Variants in PGK1 observed in about 807,000 individuals in gnomAD.
PGK1 encodes the protein PRP 2.
Under a neutral mutation model 26.9 loss-of-function variants are expected in PGK1, and 3 were observed. That is an observed-to-expected ratio of 0.11 (90% CI 0.05 to 0.29). The LOEUF is 0.29. PGK1 is among the 10% of genes least tolerant of loss of function. The pLI, the probability that PGK1 is intolerant of heterozygous loss-of-function variation, is 1.00. For missense variants in PGK1, 270 were observed against 314.7 expected (o/e 0.86, Z 1.07); for synonymous variants, 125 against 115.3 (o/e 1.08, Z -0.54).
At position 78,117,308 on chromosome X, in the gene PGK1, A is replaced by G. The variant is rs782359890; in HGVS notation, c.418-4A>G. On this transcript the variant is annotated splice_polypyrimidine_tract_variant and splice_region_variant and intron_variant, in intron 4 of 10. Coordinates refer to ENST00000373316, the MANE Select transcript of PGK1 (RefSeq NM_000291.4). ...ACATTTTCTGTTTTTGTTTTTCTCT[A>G]TAGGTTAAAGCCGAGCCAGCCAAAA... 17 of 1,173,924 alleles carry G rather than the reference A, an allele frequency of 1.4e-5. No homozygotes were observed. Among genetic ancestry groups the G allele is most frequent in the Admixed American group, 2.2e-5 (1 of 45,929 alleles).
chrX:78,122,409 TTG>T (rs201442984), intron 6 of PGK1, among the ~76,000 whole-genome samples: 4,153 of 88,724 alleles, frequency 0.047, 93 homozygotes, highest in African/African-American at 0.058. Context: ...TGCTCTGAAT[TTG>T]TGTGTGTGTG....
rs781791924 is a variant in PGK1, at chrX:78,120,418, A to ATG, written c.641+2264_641+2265dup. ...ACAAGTGAAATAAATATGTGTATAT[A>ATG]TGTGTGTGTGTGTGTGTACATATAT... On this transcript the variant is annotated intron_variant, in intron 6 of 10. Transcript: ENST00000373316. Among the ~76,000 whole-genome samples the ATG allele has an allele frequency of 3.1e-3, 342 of 108,678 alleles. 2 individuals carry two copies. The highest frequency in any genetic ancestry group is 5.8e-3 in the African/African-American group (175 of 29,991). The allele number at this position is 108,678 out of a possible 115,157, so 94.4% of individuals were successfully genotyped here.
chrX:78,116,080 G>A (rs1303881704), intron 4 of PGK1, among the ~76,000 whole-genome samples: 6 of 107,888 alleles, frequency 5.6e-5, no homozygotes, highest in Middle Eastern at 9.6e-3. Flanking sequence ...GGCTCATCTC[G>A]AACTCCTGGG....
At chrX:78,114,682 C>T (rs1036182150) in intron 4 of PGK1, among the ~76,000 whole-genome samples, 5 of 111,574 alleles carry the variant, frequency 4.5e-5, no homozygotes, top group Non-Finnish European at 7.5e-5. Context: ...AATCAGCAAA[C>T]TTTTTCTATA....
chrX:78,118,601 T>TAAATAAATAAATAAATAAACAAAC (rs1272522622), intron 6 of PGK1, among the ~76,000 whole-genome samples: 16 of 109,060 alleles, frequency 1.5e-4, no homozygotes, highest in African/African-American at 5.3e-4. Flanking sequence ...AATAAATAAA[T>TAAATAAATAAATAAATAAACAAAC]AAACAAACAA....
At chrX:78,114,977 G>C (rs1483399851) in intron 4 of PGK1, among the ~76,000 whole-genome samples, 1 of 112,070 alleles carries the variant, frequency 8.9e-6, no homozygotes, top group Admixed American at 9.5e-5. Context: ...AGAACAAGAT[G>C]CTCTGAGTCT....
intron 6 of PGK1, among the ~76,000 whole-genome samples, chrX:78,119,542 A>C (rs1477537392): frequency 8.9e-6 from 1 of 111,865 alleles, no homozygotes; most frequent in African/African-American, 3.3e-5. Flanking sequence ...TGTCAATTTC[A>C]GGTAGCATAG....
At position 78,113,727 on chromosome X, in the gene PGK1, T is replaced by G; in HGVS notation, c.117-17T>G. On this transcript the variant is annotated splice_polypyrimidine_tract_variant and intron_variant, in intron 2 of 10. Coordinates refer to ENST00000373316, the MANE Select transcript of PGK1 (RefSeq NM_000291.4). ...AGGAGTAACTTCATTCTGTTTGTTGTCTCTCTTTGGTTGCAGGATTAAGGC... is the reference window on the plus strand; with the variant it reads ...AGGAGTAACTTCATTCTGTTTGTTGGCTCTCTTTGGTTGCAGGATTAAGGC... 1 of 1,205,173 alleles carries G rather than the reference T, an allele frequency of 8.3e-7. No homozygotes were observed. The highest frequency in any genetic ancestry group is 3.0e-5 in the East Asian group (1 of 33,836).
chrX:78,125,212 T>TG (rs2078376728), intron 9 of PGK1, 115 bp from the exon 10 acceptor site: 1 of 719,803 alleles, frequency 1.4e-6, no homozygotes, highest in African/African-American at 2.1e-5. Context: ...AAGATAGAGT[T>TG]GGGGGTTTAT....
At position 78,128,634 on chromosome X, in the gene PGK1, T is replaced by C. The variant is rs1002059632; in HGVS notation, c.*2804T>C. 1 of 112,674 alleles carries C rather than the reference T, an allele frequency of 8.9e-6. No homozygotes were observed. The highest frequency in any genetic ancestry group is 3.2e-5 in the African/African-American group (1 of 31,048). The allele number at this position is 112,674 out of a possible 1,213,427, so 9.3% of individuals were successfully genotyped here. The stretch of plus-strand genomic sequence containing the variant: ...TAAAATATTGCAAAGGTGTATGCTT[T>C]AAGTTGTAAATTCACCTTTAACCCT... On this transcript the variant is annotated 3_prime_UTR_variant, in exon 11 of 11. Transcript: ENST00000373316.
At chrX:78,105,264 C>A (rs1603396081) in intron 1 of PGK1, among the ~76,000 whole-genome samples, 3 of 112,065 alleles carry the variant, frequency 2.7e-5, no homozygotes, top group African/African-American at 9.7e-5. Context: ...GTAGAGTGGG[C>A]AGCTTTTACA....
chrX:78,113,057 T>A (rs1377754640), intron 2 of PGK1, among the ~76,000 whole-genome samples: 1 of 111,999 alleles, frequency 8.9e-6, no homozygotes, highest in Non-Finnish European at 1.9e-5. Context: ...CCCAGCAGTT[T>A]GGGAGGCTGA....
Position 78,117,305 on chromosome X carries a change from T to G in PGK1, c.418-7T>G. ...ATCACATTTTCTGTTTTTGTTTTTC[T>G]CTATAGGTTAAAGCCGAGCCAGCCA... On this transcript the variant is annotated splice_polypyrimidine_tract_variant and splice_region_variant and intron_variant, in intron 4 of 10. Transcript: ENST00000373316. 3.4e-6 allele frequency: 4 copies of G among 1,165,804 alleles called. No individual in the cohort carries two copies. Among genetic ancestry groups the G allele is most frequent in the Non-Finnish European group, 3.5e-6 (3 of 853,710 alleles).
At chrX:78,114,590 A>G (rs1291179207) in intron 4 of PGK1, among the ~76,000 whole-genome samples, 2 of 111,279 alleles carry the variant, frequency 1.8e-5, no homozygotes, top group African/African-American at 6.5e-5. Context: ...TCAAAAAAAA[A>G]AAAACTTAAG....
chrX:78,119,504 C>A (rs1386955267), intron 6 of PGK1, among the ~76,000 whole-genome samples: 1 of 111,472 alleles, frequency 9.0e-6, no homozygotes, highest in Non-Finnish European at 1.9e-5. Flanking sequence ...CATACTATCT[C>A]CTGATGAAAA....
chrX:78,123,092 T>A (rs941763995), intron 7 of PGK1, 103 bp from the exon 8 acceptor site: 2 of 759,101 alleles, frequency 2.6e-6, no homozygotes, highest in Non-Finnish European at 4.1e-6. Context: ...CGTCTTTGCA[T>A]TGTTCCTTTA....
At chrX:78,125,276 C>CT (rs782164689) in intron 9 of PGK1, 51 bp from the exon 10 acceptor site, 42 of 1,012,271 alleles carry the variant, frequency 4.1e-5, no homozygotes, top group Admixed American at 8.9e-5. Flanking sequence ...GTGCCAATCC[C>CT]TTTTTTTTCT....
chrX:78,125,562 T>C, intron 10 of PGK1, 137 bp downstream of exon 10: 1 of 545,221 alleles, frequency 1.8e-6, no homozygotes, highest in Non-Finnish European at 3.2e-6. Flanking sequence ...ACAGAGGAAC[T>C]TCAGATAAAG....
intron 6 of PGK1, 75 bp from the exon 7 acceptor site, chrX:78,122,760 G>T: frequency 1.6e-6 from 1 of 620,383 alleles, no homozygotes; most frequent in South Asian, 2.2e-5. Context: ...CCTTGAAATA[G>T]AAACTCAGTT....
Sources: allele counts gnomAD v4.1 joint callset (sites outside exome capture counted in the v4.1 genomes callset), GRCh38; gene constraint gnomAD v4.1.1; transcripts MANE v1.5; gene names NCBI Gene and HGNC (gene_info 2026-07-23, HGNC 2026-07-21).